Variants in CAST observed in about 807,000 individuals in gnomAD.
CAST encodes the protein MIR583 host.
Under a neutral mutation model 119.6 loss-of-function variants are expected in CAST, and 76 were observed. The observed-to-expected ratio is 0.64, with a 90% CI of 0.53 to 0.77. The LOEUF (loss-of-function observed/expected upper bound fraction) is 0.77. Among genes scored for constraint, CAST ranks in the 30% least tolerant of loss-of-function variants. The pLI is 0.00. For synonymous variants in CAST, 319 were observed against 331.6 expected (o/e 0.96, Z 0.41); for missense variants, 953 against 946.5 (o/e 1.01, Z -0.09).
chr5:96,124,031 C>T, the CAST span, among the ~76,000 whole-genome samples: 1 of 152,096 alleles, frequency 6.6e-6, no homozygotes, highest in Non-Finnish European at 1.5e-5. Context: ...ATTTAATTGA[C>T]TGATGTTTCA....
chr5:96,551,293 C>G (rs1746121986), intron 1 of CAST, among the ~76,000 whole-genome samples: 1 of 152,146 alleles, frequency 6.6e-6, no homozygotes, highest in African/African-American at 2.4e-5. Context: ...ATTTTCAACG[C>G]AGAATTTCAT....
chr5:96,705,505 T>A (rs955337032), intron 3 of CAST, among the ~76,000 whole-genome samples: 5 of 152,134 alleles, frequency 3.3e-5, no homozygotes, highest in Non-Finnish European at 7.3e-5. Context: ...AACTGTGTAA[T>A]CAATCATACC....
intron 3 of CAST, among the ~76,000 whole-genome samples, chr5:96,713,239 C>T (rs55695458): frequency 0.1 from 14,941 of 149,474 alleles, 950 homozygotes; most frequent in Middle Eastern, 0.17. Flanking sequence ...TCAAGTGATT[C>T]TCTTGTCTCA....
chr5:96,344,784 A>C, the CAST span, among the ~76,000 whole-genome samples: 55 of 152,340 alleles, frequency 3.6e-4, no homozygotes, highest in African/African-American at 1.3e-3. Flanking sequence ...AAGCAGAGCC[A>C]ACACATTTTC....
the CAST span, among the ~76,000 whole-genome samples, chr5:96,018,280 A>G: frequency 2.6e-5 from 4 of 152,194 alleles, no homozygotes; most frequent in Non-Finnish European, 5.9e-5. Flanking sequence ...GTAGGGCCCA[A>G]TACAAACTAT....
At chr5:96,289,994 T>C in the CAST span, among the ~76,000 whole-genome samples, 1 of 152,168 alleles carries the variant, frequency 6.6e-6, no homozygotes, top group Admixed American at 6.5e-5. Context: ...AGTCATCCAA[T>C]TGTTTTGTTT....
At chr5:96,368,160 T>C in the CAST span, among the ~76,000 whole-genome samples, 4 of 152,004 alleles carry the variant, frequency 2.6e-5, no homozygotes, top group Admixed American at 6.5e-5. Context: ...TCCTTTCTGC[T>C]TTTCCTTGGA....
At chr5:96,331,724 A>G in the CAST span, among the ~76,000 whole-genome samples, 1 of 152,246 alleles carries the variant, frequency 6.6e-6, no homozygotes. Context: ...TTACATATTT[A>G]CTGAATCTCA....
At chr5:96,582,014 A>G (rs977588187) in intron 1 of CAST, among the ~76,000 whole-genome samples, 1 of 152,370 alleles carries the variant, frequency 6.6e-6, no homozygotes, top group East Asian at 1.9e-4. Flanking sequence ...CAAGGGTGGG[A>G]TGAGGAATTA....
At chr5:96,071,683 C>T in the CAST span, among the ~76,000 whole-genome samples, 27 of 152,172 alleles carry the variant, frequency 1.8e-4, no homozygotes, top group Non-Finnish European at 1.5e-5. Context: ...CTGTTTTACT[C>T]CCCGGATTAT....
At chr5:96,422,060 T>C in the CAST span, 46 of 728,260 alleles carry the variant, frequency 6.3e-5, 1 homozygote, top group South Asian at 2.5e-4. Flanking sequence ...CTTCCCATCC[T>C]GGCTGATAGC....
the CAST span, among the ~76,000 whole-genome samples, chr5:95,987,292 T>TTC: frequency 6.6e-6 from 1 of 152,038 alleles, no homozygotes; most frequent in Non-Finnish European, 1.5e-5. Context: ...TTTCTTTTTT[T>TTC]TCTCTCTCTC....
the CAST span, among the ~76,000 whole-genome samples, chr5:96,230,712 C>CT: frequency 6.6e-6 from 1 of 152,050 alleles, no homozygotes; most frequent in African/African-American, 2.4e-5. Flanking sequence ...AAAAGAAGGT[C>CT]TATAGACTGG....
chr5:96,182,197 T>C, the CAST span, among the ~76,000 whole-genome samples: 1 of 152,228 alleles, frequency 6.6e-6, no homozygotes, highest in Non-Finnish European at 1.5e-5. Flanking sequence ...CAAATAGCCC[T>C]CTGGGTTAGA....
intron 1 of CAST, among the ~76,000 whole-genome samples, chr5:96,621,395 G>A (rs925428244): frequency 4.6e-5 from 7 of 152,180 alleles, no homozygotes; most frequent in African/African-American, 9.7e-5. Flanking sequence ...AGAAATACTC[G>A]AGACTGGGTA....
the CAST span, chr5:95,961,616 C>T: frequency 6.2e-7 from 1 of 1,606,854 alleles, no homozygotes; most frequent in African/African-American, 1.4e-5. Context: ...ATCGCCGTCT[C>T]GGTGAGCTTC....
the CAST span, among the ~76,000 whole-genome samples, chr5:96,411,934 C>T: frequency 2.0e-5 from 3 of 152,150 alleles, no homozygotes; most frequent in Non-Finnish European, 4.4e-5. Context: ...CTCAGCCTCC[C>T]GAGTAGCTGG....
chr5:96,526,990 T>C (rs62365719), upstream of CAST, among the ~76,000 whole-genome samples: 60,017 of 151,882 alleles, frequency 0.4, 12,144 homozygotes, highest in East Asian at 0.57. Context: ...TCTTGTGAGG[T>C]TGTCTTAGCA....
chr5:96,048,575 G>A, the CAST span, among the ~76,000 whole-genome samples: 1 of 152,078 alleles, frequency 6.6e-6, no homozygotes, highest in Admixed American at 6.5e-5. Flanking sequence ...GAGGGGCTGT[G>A]GGTAGGAATT....
Sources: allele counts gnomAD v4.1 joint callset (sites outside exome capture counted in the v4.1 genomes callset), GRCh38; gene constraint gnomAD v4.1.1; transcripts MANE v1.5; gene names NCBI Gene and HGNC (gene_info 2026-07-23, HGNC 2026-07-21).